Variants in KIF15 observed in about 807,000 individuals in gnomAD.
KIF15 encodes the protein kinesin-like protein KIF15.
KIF15 carries 140 observed loss-of-function variants against 190.6 expected under a neutral mutation model. The observed-to-expected ratio is 0.73, with a 90% CI of 0.64 to 0.84. The LOEUF (loss-of-function observed/expected upper bound fraction) is 0.84, where lower values mean the gene tolerates loss of function less well. Among genes scored for constraint, KIF15 ranks in the 40% least tolerant of loss-of-function variants. The pLI is 0.00. For synonymous variants in KIF15, 528 were observed against 551.3 expected (o/e 0.96, Z 0.59); for missense variants, 1,372 against 1,584.4 (o/e 0.87, Z 2.28).
chr3:44,776,185 T>C (rs1705882077), intron 3 of KIF15, among the ~76,000 whole-genome samples: 1 of 152,048 alleles, frequency 6.6e-6, no homozygotes, highest in Non-Finnish European at 1.5e-5. Flanking sequence ...TTTAATCTTA[T>C]TAAATAGTAT....
intron 7 of KIF15, among the ~76,000 whole-genome samples, chr3:44,791,574 T>C (rs1445640273): frequency 6.6e-6 from 1 of 152,190 alleles, no homozygotes; most frequent in Non-Finnish European, 1.5e-5. Flanking sequence ...CAATATTGAG[T>C]CTCCCAATCT....
chr3:44,773,705 CAA>C (rs1296916198), intron 1 of KIF15, among the ~76,000 whole-genome samples: 3 of 152,130 alleles, frequency 2.0e-5, no homozygotes, highest in South Asian at 2.1e-4. Context: ...GCCTCAGAAA[CAA>C]GAGGGAAAAA....
At chr3:44,826,953 A>T (rs1697692640) in intron 22 of KIF15, 3 of 453,062 alleles carry the variant, frequency 6.6e-6, no homozygotes, top group African/African-American at 4.0e-5. Flanking sequence ...TTTATTCAGT[A>T]GGTACTTATG....
At chr3:44,816,414 C>G (rs1392951195) in intron 20 of KIF15, among the ~76,000 whole-genome samples, 1 of 151,250 alleles carries the variant, frequency 6.6e-6, no homozygotes, top group Non-Finnish European at 1.5e-5. Context: ...CTTGACAGGC[C>G]CCAGTGTGAT....
Position 44,801,532 on chromosome 3 carries a change from A to G in KIF15, c.1299+6A>G. On this transcript the variant is annotated splice_donor_region_variant and intron_variant, in intron 12 of 34. Transcript: ENST00000326047. ...AATCTGAACAGGAAAAGAAGGTAGG[A>G]AATGGAATTAGTAATAAAGGAGATT... is the stretch of plus-strand genomic sequence containing the variant. 1 of 1,522,622 alleles carries G rather than the reference A, an allele frequency of 6.6e-7. No homozygotes were observed. Among genetic ancestry groups the G allele is most frequent in the Non-Finnish European group, 9.1e-7 (1 of 1,098,530 alleles). The allele number at this position is 1,522,622 out of a possible 1,614,324, so 94.3% of individuals were successfully genotyped here.
intron 15 of KIF15, 64 bp from the exon 16 acceptor site, chr3:44,805,776 TGTAAA>T (rs765328892): frequency 6.2e-5 from 86 of 1,381,952 alleles, no homozygotes; most frequent in African/African-American, 1.2e-4. Flanking sequence ...GAGCATAAAC[TGTAAA>T]GTATTCTATA....
At chr3:44,865,109 C>T in intron 6 of KIF15, 2 of 1,614,124 alleles carry the variant, frequency 1.2e-6, no homozygotes, top group Non-Finnish European at 1.7e-6. Flanking sequence ...GTTCCTTATT[C>T]TCTGCGGACT....
chr3:44,783,037 A>G (rs1706237565), intron 5 of KIF15, among the ~76,000 whole-genome samples: 1 of 152,234 alleles, frequency 6.6e-6, no homozygotes, highest in Admixed American at 6.5e-5. Context: ...AGGATTACTC[A>G]GGCAGCTAAA....
intron 29 of KIF15, among the ~76,000 whole-genome samples, chr3:44,841,875 G>T (rs946108902): frequency 6.6e-6 from 1 of 152,146 alleles, no homozygotes; most frequent in Non-Finnish European, 1.5e-5. Flanking sequence ...GCTTTTTAAT[G>T]CATACATAAC....
At chr3:44,818,866 C>T (rs1371426753) in intron 20 of KIF15, among the ~76,000 whole-genome samples, 1 of 152,178 alleles carries the variant, frequency 6.6e-6, no homozygotes, top group African/African-American at 2.4e-5. Flanking sequence ...GTGAATCCGT[C>T]TGGTCCTAGA....
chr3:44,774,404 G>T lies in KIF15; in HGVS notation c.29G>T (p.Arg10Leu). The T allele has an allele frequency of 1.9e-6, 3 of 1,611,796 alleles. No individual in the cohort carries two copies. The highest frequency in any genetic ancestry group is 2.5e-6 in the Non-Finnish European group (3 of 1,178,924). The change falls in exon 2 of 35, where the codon CGC (arginine) becomes CTC (leucine). Residue 10 changes from arginine to leucine, a missense_variant. Physicochemically the swap from Arg to Leu is moderately radical, Grantham distance 102 (BLOSUM62 -2). Coordinates refer to ENST00000326047, the MANE Select transcript of KIF15 (RefSeq NM_020242.3). ...CTTTTTTTTTTTCTAGCTGAGTTAC[G>T]CAGCGTGACAAATGGTCAGTCTAAC... is the stretch of plus-strand genomic sequence containing the variant. MAPGCKTEL[R>L]SVTNGQSNQP...
At chr3:44,791,702 T>C (rs1200429030) in intron 7 of KIF15, among the ~76,000 whole-genome samples, 1 of 152,194 alleles carries the variant, frequency 6.6e-6, no homozygotes, top group Non-Finnish European at 1.5e-5. Context: ...GACAGCATAC[T>C]GTGCTATTTT....
chr3:44,819,578 G>T lies in KIF15; in HGVS notation c.2549+4502G>T, dbSNP rs563884017. Among the ~76,000 whole-genome samples, 266 of 152,282 alleles carry T rather than the reference G, an allele frequency of 1.7e-3. 1 individual carries two copies. The highest frequency in any genetic ancestry group is 3.4e-3 in the Middle Eastern group (1 of 294). On this transcript the variant is annotated intron_variant, in intron 20 of 34. Coordinates refer to ENST00000326047, the MANE Select transcript of KIF15 (RefSeq NM_020242.3). ...TTTTGAGTGAGTCTCTTAATCCTGA[G>T]ATCTAATTTATTGCACTGTGGTCTA...
At chr3:44,844,819 G>GT (rs1698769455) in intron 30 of KIF15, among the ~76,000 whole-genome samples, 1 of 152,182 alleles carries the variant, frequency 6.6e-6, no homozygotes, top group Admixed American at 6.5e-5. Context: ...AGGGCCTTTG[G>GT]TTTTTCACAG....
chr3:44,789,860 G>T (rs1282606802), intron 7 of KIF15, among the ~76,000 whole-genome samples: 3 of 151,592 alleles, frequency 2.0e-5, no homozygotes, highest in Non-Finnish European at 4.4e-5. Flanking sequence ...AGTCATAAAA[G>T]CATCACCAAA....
At chr3:44,844,395 T>G (rs951876602) in intron 30 of KIF15, among the ~76,000 whole-genome samples, 1 of 152,238 alleles carries the variant, frequency 6.6e-6, no homozygotes, top group Non-Finnish European at 1.5e-5. Context: ...TAGGTGATTC[T>G]GATGTAGGTA....
intron 1 of KIF15, among the ~76,000 whole-genome samples, chr3:44,767,046 G>A (rs779189838): frequency 2.0e-5 from 3 of 151,958 alleles, no homozygotes; most frequent in Non-Finnish European, 2.9e-5. Flanking sequence ...TCCTGACCTC[G>A]TGATCCGCCC....
intron 16 of KIF15, among the ~76,000 whole-genome samples, chr3:44,809,714 G>T (rs1707700663): frequency 2.0e-5 from 3 of 152,046 alleles, no homozygotes; most frequent in Admixed American, 2.0e-4. Flanking sequence ...AGCCAAGCAT[G>T]GTGGTGTGCA....
chr3:44,801,975 G>GAGCACCACCCCAGAGT lies in KIF15; in HGVS notation c.1509+1_1509+2insAGCACCACCCCAGAGT. 1 of 1,594,568 alleles carries GAGCACCACCCCAGAGT rather than the reference G, an allele frequency of 6.3e-7. No individual in the cohort carries two copies. The highest frequency in any genetic ancestry group is 1.7e-5 in the Admixed American group (1 of 59,374). ...TGAGATTCAAACTCTGCGAGAACAAGTGAGTATACGGCATCTATAATATTT... is the reference window on the plus strand; with the variant it reads ...TGAGATTCAAACTCTGCGAGAACAAGAGCACCACCCCAGAGTTGAGTATACGGCATCTATAATATTT... On this transcript the variant is annotated splice_donor_variant, in intron 13 of 34. Coordinates refer to ENST00000326047, the MANE Select transcript of KIF15 (RefSeq NM_020242.3). LOFTEE classifies it high-confidence loss of function.
Sources: gnomAD v4.1 joint callset for allele counts (sites outside exome capture counted in the v4.1 genomes callset) on GRCh38, gnomAD v4.1.1 for gene constraint, MANE v1.5 for transcripts, NCBI Gene and HGNC (gene_info 2026-07-23, HGNC 2026-07-21) for gene names.